ICE2: variants seen among roughly 807,000 people sequenced by gnomAD.
ICE2 encodes the protein little elongation complex subunit 2.
Under a neutral mutation model 105.4 loss-of-function variants are expected in ICE2, and 87 were observed. The observed-to-expected ratio is 0.83, with a 90% confidence interval of 0.69 to 0.99. ICE2 has a LOEUF of 0.99. Among genes scored for constraint, ICE2 ranks in the 50% least tolerant of loss-of-function variants. The probability of loss-of-function intolerance (pLI) is 0.00; values close to 1 mark genes in which losing one functional copy is unlikely to be tolerated. For synonymous variants in ICE2, 399 were observed against 392.0 expected (o/e 1.02, Z -0.21); for missense variants, 1,323 against 1,146.7 (o/e 1.15, Z -2.22).
At chr15:60,433,451 C>T (rs557717012) in intron 13 of ICE2, among the ~76,000 whole-genome samples, 2 of 152,018 alleles carry the variant, frequency 1.3e-5, no homozygotes, top group African/African-American at 4.8e-5. Context: ...GTCCATCCTT[C>T]CTTTCTTCCT....
At chr15:60,461,523 T>C (rs1809561926) in intron 5 of ICE2, among the ~76,000 whole-genome samples, 2 of 152,154 alleles carry the variant, frequency 1.3e-5, no homozygotes, top group South Asian at 4.1e-4. Context: ...GGCTACTATA[T>C]GATGCTCTAA....
intron 3 of ICE2, among the ~76,000 whole-genome samples, chr15:60,471,657 AC>A (rs1490049913): frequency 6.6e-6 from 1 of 152,206 alleles, no homozygotes; most frequent in Non-Finnish European, 1.5e-5. Flanking sequence ...CAGGGTGTAA[AC>A]CAAAAGCATC....
intron 9 of ICE2, chr15:60,452,584 G>A (rs2063991581): frequency 6.5e-6 from 1 of 154,846 alleles, no homozygotes; most frequent in East Asian, 1.9e-4. Flanking sequence ...GCATAGAATA[G>A]TATCTGCTTA....
intron 1 of ICE2, among the ~76,000 whole-genome samples, chr15:60,478,344 G>A (rs966499088): frequency 6.6e-6 from 1 of 152,102 alleles, no homozygotes; most frequent in African/African-American, 2.4e-5. Flanking sequence ...TTACATACTA[G>A]GCCACTTGAT....
At chr15:60,436,928 T>C (rs1219824016) in intron 12 of ICE2, among the ~76,000 whole-genome samples, 1 of 151,992 alleles carries the variant, frequency 6.6e-6, no homozygotes. Flanking sequence ...GCTCTTAAGG[T>C]AAAAATTAGA....
chr15:60,445,510 C>T lies in ICE2; in HGVS notation c.2295+2460G>A, dbSNP rs549615174. ...TAATAACGGGGGCAATGTAAGCATT[C>T]ACTGAAAATTTTAAAATTTTATTCT... is the stretch of plus-strand genomic sequence containing the variant. On this transcript the variant is annotated intron_variant, in intron 11 of 15. Coordinates refer to ENST00000261520, the MANE Select transcript of ICE2 (RefSeq NM_024611.6). 8.9e-6 allele frequency: 8 copies of T among 900,452 alleles called. No individual in the cohort carries two copies. In the African/African-American group the frequency reaches 9.0e-5, roughly 10 times the overall value. 55.8% of individuals were successfully genotyped at this position (900,452 alleles called of 1,614,324 possible).
At chr15:60,463,780 GA>G (rs961164911) in intron 5 of ICE2, among the ~76,000 whole-genome samples, 3 of 150,826 alleles carry the variant, frequency 2.0e-5, no homozygotes, top group Non-Finnish European at 4.4e-5. Flanking sequence ...CTTAAAAAAA[GA>G]AAAAAAAATC....
At chr15:60,474,048 G>C (rs2141169783) in intron 3 of ICE2, among the ~76,000 whole-genome samples, 1 of 152,132 alleles carries the variant, frequency 6.6e-6, no homozygotes, top group East Asian at 1.9e-4. Flanking sequence ...AAGACTATAG[G>C]TATGTGCCAC....
At position 60,425,600 on chromosome 15, in the gene ICE2, A is replaced by G. The variant is rs566277373; in HGVS notation, c.2821-1838T>C. Among the ~76,000 whole-genome samples, 250 of 152,360 alleles carry G rather than the reference A, an allele frequency of 1.6e-3. 1 individual carries two copies. The highest frequency in any genetic ancestry group is 5.7e-3 in the African/African-American group (236 of 41,584). On this transcript the variant is annotated intron_variant, in intron 15 of 15. Coordinates refer to ENST00000261520, the MANE Select transcript of ICE2 (RefSeq NM_024611.6). ...GGAGGCAGATGCAGGCTCTACTGGCATATCTCTCAGGGTTAGTACCAAAGG... is the reference window on the plus strand; with the variant it reads ...GGAGGCAGATGCAGGCTCTACTGGCGTATCTCTCAGGGTTAGTACCAAAGG...
Position 60,430,751 on chromosome 15 carries a change from C to T in ICE2, c.2561+1183G>A, listed in dbSNP as rs191712937. On this transcript the variant is annotated intron_variant, in intron 14 of 15. Coordinates refer to ENST00000261520, the MANE Select transcript of ICE2 (RefSeq NM_024611.6). ...ACTGTAAGTTCGTTTTCAAGTTTAA[C>T]ATTTGGTAAGGGCATAAGAGAAGGA... Among the ~76,000 whole-genome samples the T allele has an allele frequency of 1.1e-3, 171 of 152,264 alleles. 3 individuals carry two copies. The highest frequency in any genetic ancestry group is 3.9e-3 in the African/African-American group (161 of 41,550).
intron 6 of ICE2, among the ~76,000 whole-genome samples, 162 bp from the exon 7 acceptor site, chr15:60,455,604 T>C (rs1009761976): frequency 1.3e-5 from 2 of 151,572 alleles, no homozygotes; most frequent in African/African-American, 4.8e-5. Context: ...TGTTTTTGCT[T>C]AACAACCACT....
At chr15:60,471,819 C>T (rs1202344165) in intron 3 of ICE2, among the ~76,000 whole-genome samples, 1 of 151,532 alleles carries the variant, frequency 6.6e-6, no homozygotes, top group Non-Finnish European at 1.5e-5. Flanking sequence ...GGGTAGAATC[C>T]AAAACTTTAA....
In ICE2 at chr15:60,431,956, G is replaced by A. The variant is rs773818451; in HGVS notation, c.2539C>T (p.His847Tyr). Residue 847 changes from histidine to tyrosine, a missense_variant, in exon 14 of 16, where the codon CAC becomes TAC. Transcript: ENST00000261520. ...KISNLFNILQHILKKLSSLQE... is the reference protein window; with the variant it reads ...KISNLFNILQYILKKLSSLQE... ...TACCTACTTAGTTTCTTTAGAATGT[G>A]TTGGAGGATGTTAAATAAATTGGAA... 4 of 1,406,350 alleles carry A rather than the reference G, an allele frequency of 2.8e-6. No homozygotes were observed. The highest frequency in any genetic ancestry group is 1.8e-5 in the Admixed American group (1 of 55,144). The allele number at this position is 1,406,350 out of a possible 1,614,324, so 87.1% of individuals were successfully genotyped here. A position where few individuals can be genotyped will look rare whatever the true frequency, so the allele number is the denominator to read the frequency against.
chr15:60,456,605 ACACACT>A lies in ICE2; in HGVS notation c.666+46_666+51del, dbSNP rs1418231788. On this transcript the variant is annotated intron_variant, in intron 6 of 15. Coordinates refer to ENST00000261520, the MANE Select transcript of ICE2 (RefSeq NM_024611.6). Reference sequence around the variant, plus strand: ...TATATACACACACACACACACACACACACACTATTTCAGACAAAAAAAAGCTTATAT... The same window carrying A: ...TATATACACACACACACACACACACAATTTCAGACAAAAAAAAGCTTATAT... 63 of 859,122 alleles carry A rather than the reference ACACACT, an allele frequency of 7.3e-5. 7 individuals are homozygous for A. The highest frequency in any genetic ancestry group is 4.0e-4 in the Middle Eastern group (1 of 2,530). The allele number at this position is 859,122 out of a possible 1,614,324, so 53.2% of individuals were successfully genotyped here.
At chr15:60,430,688 A>G (rs770673815) in intron 14 of ICE2, among the ~76,000 whole-genome samples, 83 of 152,318 alleles carry the variant, frequency 5.4e-4, no homozygotes, top group East Asian at 3.7e-3. Flanking sequence ...ATCAAGTTAG[A>G]TAATAGAATT....
At chr15:60,447,758 A>T (rs1170865953) in intron 11 of ICE2, 7 of 410,326 alleles carry the variant, frequency 1.7e-5, no homozygotes, top group Middle Eastern at 6.2e-4. Context: ...TCCAAGCATG[A>T]ATGTTACCGG....
intron 15 of ICE2, among the ~76,000 whole-genome samples, chr15:60,425,450 C>G (rs550472756): frequency 1.1e-4 from 16 of 152,112 alleles, no homozygotes; most frequent in Admixed American, 3.3e-4. Flanking sequence ...ATGTTTATTA[C>G]AGAAGATGTA....
chr15:60,455,306 A>G lies in ICE2; in HGVS notation c.783+20T>C, dbSNP rs370177556. On this transcript the variant is annotated intron_variant, in intron 7 of 15. Coordinates refer to ENST00000261520, the MANE Select transcript of ICE2 (RefSeq NM_024611.6). ...TATAAAAGATTATTTAGGAAGATCC[A>G]ATGTTGCCTTGGTACTTACATAATG... 1.4e-5 allele frequency: 22 copies of G among 1,573,652 alleles called. No individual in the cohort carries two copies. The highest frequency in any genetic ancestry group is 1.7e-4 in the Middle Eastern group (1 of 5,984).
At chr15:60,466,807 G>T in intron 4 of ICE2, 94 bp from the exon 5 acceptor site, 1 of 1,059,028 alleles carries the variant, frequency 9.4e-7, no homozygotes. Context: ...TGGACTTAAA[G>T]AATAATTAAA....
Sources: gnomAD v4.1 joint callset for allele counts (sites outside exome capture counted in the v4.1 genomes callset) on GRCh38, gnomAD v4.1.1 for gene constraint, MANE v1.5 for transcripts, NCBI Gene and HGNC (gene_info 2026-07-23, HGNC 2026-07-21) for gene names.